The following NAMPT variants were observed in gnomAD, a reference collection of about 807,000 sequenced individuals.
NAMPT encodes the protein NAmPRTase.
NAMPT carries 7 observed loss-of-function variants against 58.7 expected under a neutral mutation model. The ratio of observed to expected loss-of-function variants is 0.12; its 90% CI spans 0.07 to 0.22. The LOEUF is 0.22. Among genes scored for constraint, NAMPT ranks in the 10% least tolerant of loss-of-function variants. The pLI, the probability that NAMPT is intolerant of heterozygous loss-of-function variation, is 1.00. For missense variants in NAMPT, 271 were observed against 567.9 expected, an observed-to-expected ratio of 0.48 and a Z score of 5.31; for synonymous variants, 145 against 198.1, an observed-to-expected ratio of 0.73 and a Z score of 2.25.
intron 6 of NAMPT, among the ~76,000 whole-genome samples, chr7:106,263,972 T>C (rs961489459): frequency 6.6e-6 from 1 of 152,140 alleles, no homozygotes; most frequent in African/African-American, 2.4e-5. Context: ...TTATACTGTA[T>C]GTCAAGATGT....
intron 8 of NAMPT, among the ~76,000 whole-genome samples, chr7:106,258,182 G>C (rs1344026988): frequency 6.6e-6 from 1 of 152,222 alleles, no homozygotes; most frequent in Non-Finnish European, 1.5e-5. Context: ...CAGTTTGGAA[G>C]AGGTAGTGGA....
intron 10 of NAMPT, 88 bp from the exon 11 acceptor site, chr7:106,251,281 C>A: frequency 1.2e-6 from 1 of 821,388 alleles, no homozygotes; most frequent in South Asian, 1.4e-5. Context: ...ACCAACCAGT[C>A]AAATACAGAG....
intron 4 of NAMPT, chr7:106,270,335 G>A: frequency 5.7e-6 from 2 of 350,084 alleles, no homozygotes; most frequent in Non-Finnish European, 6.2e-6. Flanking sequence ...TGTCTGTGCT[G>A]AACCAAAAAG....
rs767797197 is a variant in NAMPT at position 106,272,578 on chromosome 7, C to A, written c.399G>T (p.Thr133=). The A allele has an allele frequency of 2.5e-6, 4 of 1,613,212 alleles. No individual in the cohort carries two copies. In the African/African-American group the frequency reaches 4.0e-5, roughly 16 times the overall value. ...AACACTCTGGATCTGTGTTTTCCAC[C>A]GTGAAGAGAACATTTCCTCTGGGAA... ...FVIPRGNVLF[T]VENTDPECYW... Residue 133 remains threonine, a synonymous_variant, in exon 4 of 11, where the codon ACG becomes ACT. Transcript: ENST00000222553.
Position 106,275,217 on chromosome 7 carries a change from T to C in NAMPT, c.215-168A>G, listed in dbSNP as rs1792609669. On this transcript the variant is annotated intron_variant, in intron 2 of 10. Transcript: ENST00000222553. ...TCAACAGCAGAGTCAGAAAAGGAATTTGTACTTTTAATAACTCAAAGTATA... is the reference window on the plus strand; with the variant it reads ...TCAACAGCAGAGTCAGAAAAGGAATCTGTACTTTTAATAACTCAAAGTATA... 1.2e-5 allele frequency: 5 copies of C among 425,976 alleles called. No homozygotes were observed. In the South Asian group the frequency reaches 1.8e-4, roughly 15 times the overall value. The allele number at this position is 425,976 out of a possible 1,614,324, so 26.4% of individuals were successfully genotyped here.
intron 5 of NAMPT, 112 bp downstream of exon 5, chr7:106,269,042 T>C (rs562169579): frequency 2.0e-6 from 2 of 1,004,878 alleles, no homozygotes; most frequent in East Asian, 5.1e-5. Flanking sequence ...GTTGGTTGAA[T>C]CTTTGGAATT....
chr7:106,284,732 G>GCCCCACC, intron 1 of NAMPT, 96 bp downstream of exon 1: 1 of 205,774 alleles, frequency 4.9e-6, no homozygotes, highest in Non-Finnish European at 8.4e-6. Flanking sequence ...CCCAGCCCCA[G>GCCCCACC]CCCCAACCCC....
chr7:106,280,821 G>A (rs1489566578), intron 1 of NAMPT, among the ~76,000 whole-genome samples: 1 of 151,700 alleles, frequency 6.6e-6, no homozygotes, highest in Non-Finnish European at 1.5e-5. Context: ...CGCGCCTGTA[G>A]TCCCAGCTAC....
In NAMPT at chr7:106,253,089, A is replaced by C. The variant is rs1562811089; in HGVS notation, c.1293T>G (p.Ser431=). Residue 431 remains serine, a synonymous_variant, in exon 10 of 11, where the codon TCT becomes TCG. Coordinates refer to ENST00000222553, the MANE Select transcript of NAMPT (RefSeq NM_005746.3). The stretch of plus-strand genomic sequence containing the variant: ...AATTCCCTGCTGGCGTCCTATGTAA[A>C]GATAATCGGCCCTTTTTGGACCTTT... ...PNKRSKKGRL[S]LHRTPAGNFV... is the part of the protein sequence containing the mutation. 6.2e-7 allele frequency: 1 copy of C among 1,613,400 alleles called. No individual in the cohort carries two copies.
chr7:106,285,007 G>C, upstream of NAMPT: 5 of 1,453,034 alleles, frequency 3.4e-6, no homozygotes, highest in Non-Finnish European at 4.6e-6. Context: ...AGGAGGGGGA[G>C]AGGGGGAAAC....
intron 6 of NAMPT, among the ~76,000 whole-genome samples, chr7:106,267,876 A>AAAAAAC (rs1189395299): frequency 7.7e-6 from 1 of 130,394 alleles, no homozygotes; most frequent in South Asian, 2.3e-4. Context: ...AAAAAAAAAA[A>AAAAAAC]CAACCTGATT....
chr7:106,272,722 C>T, intron 3 of NAMPT, 64 bp from the exon 4 acceptor site: 3 of 1,569,976 alleles, frequency 1.9e-6, no homozygotes, highest in Admixed American at 3.5e-5. Context: ...TGCTGTTTTA[C>T]TAAAGGTTCT....
At chr7:106,257,102 C>T (rs144167410) in intron 8 of NAMPT, among the ~76,000 whole-genome samples, 187 of 151,718 alleles carry the variant, frequency 1.2e-3, no homozygotes, top group African/African-American at 4.1e-3. Flanking sequence ...TGAGATTGTG[C>T]CACTGCACTC....
At chr7:106,285,604 C>A (rs1011766068), upstream of NAMPT, 1 of 985,692 alleles carries the variant, frequency 1.0e-6, no homozygotes, top group Non-Finnish European at 1.2e-6. Flanking sequence ...CCCTCCTGAT[C>A]CTCCTGACCC....
chr7:106,256,993 T>G (rs528528785), intron 8 of NAMPT, among the ~76,000 whole-genome samples: 1 of 152,062 alleles, frequency 6.6e-6, no homozygotes, highest in East Asian at 2.0e-4. Context: ...CTGGCTAACA[T>G]GGTGAAACCC....
intron 6 of NAMPT, among the ~76,000 whole-genome samples, chr7:106,265,567 TAAAAAAAA>T (rs35685666): frequency 1.7e-5 from 2 of 116,458 alleles, no homozygotes; most frequent in African/African-American, 6.6e-5. Flanking sequence ...CTCAAAAGCT[TAAAAAAAA>T]AAAAAAAAAA....
At chr7:106,266,380 C>T (rs371488058) in intron 6 of NAMPT, among the ~76,000 whole-genome samples, 4 of 152,238 alleles carry the variant, frequency 2.6e-5, no homozygotes, top group African/African-American at 7.2e-5. Flanking sequence ...TAACCATCAA[C>T]GAAGAGTCTA....
chr7:106,262,607 C>T (rs542165312), intron 7 of NAMPT, among the ~76,000 whole-genome samples: 1 of 152,162 alleles, frequency 6.6e-6, no homozygotes, highest in African/African-American at 2.4e-5. Context: ...GGGTAAGTAT[C>T]ATCTGCTCAT....
intron 8 of NAMPT, among the ~76,000 whole-genome samples, chr7:106,260,934 A>G (rs934472787): frequency 7.9e-5 from 12 of 152,328 alleles, no homozygotes; most frequent in Admixed American, 7.2e-4. Flanking sequence ...GATCACCATA[A>G]CAGATATAAT....
Sources: allele counts gnomAD v4.1 joint callset (sites outside exome capture counted in the v4.1 genomes callset), GRCh38; gene constraint gnomAD v4.1.1; transcripts MANE v1.5; gene names NCBI Gene and HGNC (gene_info 2026-07-23, HGNC 2026-07-21).